The following ATRNL1 variants were observed in gnomAD, a reference collection of about 807,000 sequenced individuals.
ATRNL1 encodes the protein attractin like 1, also known as attractin-like protein 1.
ATRNL1 carries 95 observed loss-of-function variants against 182.7 expected under a neutral mutation model. The ratio of observed to expected loss-of-function variants is 0.52; its 90% CI spans 0.44 to 0.62. The LOEUF is 0.62. ATRNL1 is among the 20% of genes least tolerant of loss of function. The pLI is 0.00. For synonymous variants in ATRNL1, 576 were observed against 568.3 expected (o/e 1.01, Z -0.19); for missense variants, 1,471 against 1,679.5 (o/e 0.88, Z 2.17).
chr10:115,707,746 A>G (rs1284482539), intron 26 of ATRNL1, among the ~76,000 whole-genome samples: 1 of 151,776 alleles, frequency 6.6e-6, no homozygotes, highest in Non-Finnish European at 1.5e-5. Flanking sequence ...AACCAAATAG[A>G]CCAAATTGTC....
intron 25 of ATRNL1, among the ~76,000 whole-genome samples, chr10:115,547,263 AATAT>A (rs386362067): frequency 1.5e-5 from 2 of 136,814 alleles, no homozygotes; most frequent in Admixed American, 7.2e-5. Context: ...TCAAAAAAAA[AATAT>A]ATATATATAT....
intron 18 of ATRNL1, among the ~76,000 whole-genome samples, chr10:115,333,094 T>C (rs190037527): frequency 2.6e-5 from 4 of 152,326 alleles, no homozygotes; most frequent in Admixed American, 2.0e-4. Context: ...CTACAAACAA[T>C]TGGCACCAGC....
At chr10:115,649,539 G>A (rs1565248535) in intron 26 of ATRNL1, among the ~76,000 whole-genome samples, 1 of 152,132 alleles carries the variant, frequency 6.6e-6, no homozygotes, top group Non-Finnish European at 1.5e-5. Flanking sequence ...CCACATCTGG[G>A]AAATAAGTTT....
chr10:115,931,709 T>C (rs1426125371), intron 28 of ATRNL1, among the ~76,000 whole-genome samples: 1 of 152,178 alleles, frequency 6.6e-6, no homozygotes, highest in African/African-American at 2.4e-5. Flanking sequence ...AAGTTTTCCA[T>C]CTCTCCCCGC....
chr10:115,818,130 G>A (rs1391737793), intron 27 of ATRNL1, among the ~76,000 whole-genome samples: 2 of 148,732 alleles, frequency 1.3e-5, no homozygotes, highest in African/African-American at 4.9e-5. Flanking sequence ...CTAAGTGCTT[G>A]TTTAGAAACA....
intron 20 of ATRNL1, among the ~76,000 whole-genome samples, chr10:115,406,322 C>G (rs1844827228): frequency 6.6e-6 from 1 of 151,984 alleles, no homozygotes; most frequent in East Asian, 1.9e-4. Context: ...TTTGTTTTTC[C>G]TTTTTCACCA....
At chr10:115,344,469 G>A (rs558202880) in intron 19 of ATRNL1, among the ~76,000 whole-genome samples, 1 of 152,238 alleles carries the variant, frequency 6.6e-6, no homozygotes, top group African/African-American at 2.4e-5. Flanking sequence ...TAAGGCCTAA[G>A]GGCTCTTAAG....
Position 115,454,284 on chromosome 10 carries a change from A to T in ATRNL1, c.3323-7657A>T, listed in dbSNP as rs144527933. Among the ~76,000 whole-genome samples, 685 of 152,140 alleles carry T rather than the reference A, an allele frequency of 4.5e-3. 7 individuals are homozygous for T. The highest frequency in any genetic ancestry group is 0.016 in the African/African-American group (657 of 41,542). ...ATATCTTTTTTCATGCCAGTACCAAACTATTTTGATTATTATAGCCTTGTA... is the reference window on the plus strand; with the variant it reads ...ATATCTTTTTTCATGCCAGTACCAATCTATTTTGATTATTATAGCCTTGTA... On this transcript the variant is annotated intron_variant, in intron 21 of 28. Transcript: ENST00000355044.
chr10:115,249,402 A>G (rs1156645730), intron 10 of ATRNL1, among the ~76,000 whole-genome samples: 2 of 152,170 alleles, frequency 1.3e-5, no homozygotes, highest in Non-Finnish European at 2.9e-5. Flanking sequence ...GCATTTATGG[A>G]AAAATTAGCC....
chr10:115,386,060 T>G (rs1176749238), intron 19 of ATRNL1, among the ~76,000 whole-genome samples: 1 of 152,178 alleles, frequency 6.6e-6, no homozygotes, highest in Non-Finnish European at 1.5e-5. Flanking sequence ...GTATATAAGT[T>G]TTAGAAGTAG....
intron 21 of ATRNL1, among the ~76,000 whole-genome samples, chr10:115,432,199 A>G (rs140031979): frequency 6.6e-6 from 1 of 152,292 alleles, no homozygotes; most frequent in East Asian, 1.9e-4. Context: ...TTAATGAGAT[A>G]TCTTACTTTT....
At chr10:115,558,825 C>T (rs1487772446) in intron 26 of ATRNL1, among the ~76,000 whole-genome samples, 1 of 152,096 alleles carries the variant, frequency 6.6e-6, no homozygotes, top group African/African-American at 2.4e-5. Context: ...TCAGTAAGAA[C>T]AGCAAATCTA....
chr10:115,948,650 C>T lies in ATRNL1; in HGVS notation c.*3871C>T, dbSNP rs919709334. 36 of 152,152 alleles carry T rather than the reference C, an allele frequency of 2.4e-4. No homozygotes were observed. Among genetic ancestry groups the T allele is most frequent in the African/African-American group, 8.2e-4 (34 of 41,432 alleles). The allele number at this position is 152,152 out of a possible 1,614,324, so 9.4% of individuals were successfully genotyped here. The stretch of plus-strand genomic sequence containing the variant: ...ACACTGCATTGGGTCAAAGTGCTGC[C>T]TTTAATCGACCATTAGAGGGAGTTC... On this transcript the variant is annotated 3_prime_UTR_variant, in exon 29 of 29. Coordinates refer to ENST00000355044, the MANE Select transcript of ATRNL1 (RefSeq NM_207303.4).
At chr10:115,245,362 G>A (rs1056788630) in intron 10 of ATRNL1, among the ~76,000 whole-genome samples, 1 of 151,850 alleles carries the variant, frequency 6.6e-6, no homozygotes, top group Non-Finnish European at 1.5e-5. Context: ...AGCTGGGTGT[G>A]GTGGTGCATG....
intron 15 of ATRNL1, among the ~76,000 whole-genome samples, chr10:115,288,533 A>AT (rs1350560675): frequency 5.5e-5 from 5 of 91,700 alleles, no homozygotes; most frequent in Non-Finnish European, 1.2e-4. Context: ...TTTTTTTTTT[A>AT]TTTTTTTTGA....
intron 26 of ATRNL1, among the ~76,000 whole-genome samples, chr10:115,680,337 C>T (rs1030382435): frequency 6.6e-6 from 1 of 152,130 alleles, no homozygotes; most frequent in Non-Finnish European, 1.5e-5. Flanking sequence ...TCTAGATCCT[C>T]ACTGGTCACC....
At chr10:115,296,025 T>C (rs1257388616) in intron 15 of ATRNL1, among the ~76,000 whole-genome samples, 2 of 152,122 alleles carry the variant, frequency 1.3e-5, no homozygotes, top group Admixed American at 6.5e-5. Context: ...GTATTCTTAA[T>C]TGAGGGCAAT....
intron 8 of ATRNL1, among the ~76,000 whole-genome samples, chr10:115,188,257 GT>G (rs1488590615): frequency 6.6e-6 from 1 of 152,070 alleles, no homozygotes. Context: ...GTAGATAAAT[GT>G]TTTTTCATAT....
chr10:115,886,281 C>A (rs781830621), intron 28 of ATRNL1, among the ~76,000 whole-genome samples: 97 of 152,300 alleles, frequency 6.4e-4, no homozygotes, highest in Non-Finnish European at 7.5e-4. Flanking sequence ...CAGCAGACAG[C>A]AATCAAGGCT....
Sources: gnomAD v4.1 joint callset for allele counts (sites outside exome capture counted in the v4.1 genomes callset) on GRCh38, gnomAD v4.1.1 for gene constraint, MANE v1.5 for transcripts, NCBI Gene and HGNC (gene_info 2026-07-23, HGNC 2026-07-21) for gene names.